The following BTD variants were observed in gnomAD, a reference collection of about 807,000 sequenced individuals.
The protein encoded by BTD is biotinidase, also known as biocytinase.
Under a neutral mutation model 17.7 loss-of-function variants are expected in BTD, and 13 were observed. The observed-to-expected ratio is 0.74, with a 90% confidence interval of 0.48 to 1.17. The LOEUF (loss-of-function observed/expected upper bound fraction) is 1.17, where lower values mean the gene tolerates loss of function less well. Among genes scored for constraint, BTD ranks in the 50% most tolerant of loss-of-function variants. The pLI, the probability that BTD is intolerant of heterozygous loss-of-function variation, is 0.00. For synonymous variants in BTD, 240 were observed against 245.2 expected (o/e 0.98, Z 0.20); for missense variants, 674 against 650.4 (o/e 1.04, Z -0.39).
At chr3:15,714,636 T>C (rs892107037), downstream of BTD, 1 of 1,597,640 alleles carries the variant, frequency 6.3e-7, no homozygotes, top group South Asian at 1.1e-5. Flanking sequence ...TCATGTGTAG[T>C]GGGGTTTTCC....
chr3:15,614,804 C>T (rs2064747248), intron 1 of BTD, among the ~76,000 whole-genome samples: 1 of 151,904 alleles, frequency 6.6e-6, no homozygotes, highest in South Asian at 2.1e-4. Flanking sequence ...GCCATGTTGC[C>T]CATGCTGGCC....
intron 3 of BTD, chr3:15,690,185 C>G (rs778362864): frequency 1.2e-6 from 2 of 1,606,356 alleles, no homozygotes; most frequent in Non-Finnish European, 1.7e-6. Flanking sequence ...AAGACTGTAC[C>G]AACACTTCCA....
In BTD at chr3:15,624,921, C is replaced by T. The variant is rs183882714; in HGVS notation, c.-16-10503C>T. Reference sequence around the variant, plus strand: ...CCAATTTTTGTATTTTTAGTAAAGACAGGGTTTTGCCATGTTGGCCAGGCT... The same window carrying T: ...CCAATTTTTGTATTTTTAGTAAAGATAGGGTTTTGCCATGTTGGCCAGGCT... On this transcript the variant is annotated intron_variant, in intron 1 of 3. Coordinates refer to ENST00000643237, the MANE Select transcript of BTD (RefSeq NM_001370658.1). Among the ~76,000 whole-genome samples, 4 of 152,184 alleles carry T rather than the reference C, an allele frequency of 2.6e-5. No individual in the cohort carries two copies. In the East Asian group the frequency reaches 7.7e-4, roughly 29 times the overall value.
At chr3:15,676,100 C>T in intron 3 of BTD, 1 of 788,716 alleles carries the variant, frequency 1.3e-6, no homozygotes, top group South Asian at 2.0e-5. Flanking sequence ...CCAAGAGGTA[C>T]AAACTCGAGA....
intron 3 of BTD, among the ~76,000 whole-genome samples, chr3:15,659,353 T>G (rs914472860): frequency 6.6e-6 from 1 of 152,118 alleles, no homozygotes; most frequent in Non-Finnish European, 1.5e-5. Context: ...GCACTCTAGG[T>G]CAGTGGCTCA....
chr3:15,620,512 C>T (rs986710049), intron 1 of BTD, among the ~76,000 whole-genome samples: 8 of 152,096 alleles, frequency 5.3e-5, no homozygotes, highest in East Asian at 1.9e-4. Flanking sequence ...CCATAAAAAT[C>T]GCTATTATTC....
chr3:15,654,761 T>C (rs2065854680), downstream of BTD, among the ~76,000 whole-genome samples: 2 of 151,466 alleles, frequency 1.3e-5, no homozygotes. Context: ...TTAGATGGAA[T>C]TTTGCACTTG....
chr3:15,681,472 C>T (rs970176865), intron 3 of BTD, among the ~76,000 whole-genome samples: 13 of 152,090 alleles, frequency 8.5e-5, no homozygotes, highest in Admixed American at 3.3e-4. Flanking sequence ...AATTTAATAC[C>T]CTAATTACTA....
Position 15,635,132 on chromosome 3 carries a change from G to A in BTD, c.-16-292G>A, listed in dbSNP as rs1195121793. Reference sequence around the variant, plus strand: ...CACAGCTAGAAAAGTGGGTAGTGACGCACTACAGTCTTGCTGAACACTGGG... The same window carrying A: ...CACAGCTAGAAAAGTGGGTAGTGACACACTACAGTCTTGCTGAACACTGGG... On this transcript the variant is annotated intron_variant, in intron 1 of 3. Coordinates refer to ENST00000643237, the MANE Select transcript of BTD (RefSeq NM_001370658.1). This position sits in a 1 kb window ranked among gnomAD's most constrained non-coding sequence, Gnocchi z 4.1. 2.0e-5 allele frequency among the ~76,000 whole-genome samples: 3 copies of A among 152,202 alleles called. No homozygotes were observed. The highest frequency in any genetic ancestry group is 6.5e-5 in the Admixed American group (1 of 15,282).
rs191800621 is a variant in BTD at position 15,695,146 on chromosome 3, T to A, written c.400-14914T>A. The A allele has an allele frequency of 1.6e-5, 23 of 1,482,548 alleles. No homozygotes were observed. The African/African-American group carries it at 2.3e-4, about 15-fold the overall frequency. The allele number at this position is 1,482,548 out of a possible 1,614,324, so 91.8% of individuals were successfully genotyped here. ...ATAAACATAACTGGTAGGAGGGAAC[T>A]GACCAATACTAATTGGTGGGAGGGA... is the stretch of plus-strand genomic sequence containing the variant. On this transcript the variant is annotated intron_variant, in intron 3 of 3. Coordinates refer to the BTD transcript ENST00000672141.
At position 15,684,489 on chromosome 3, in the gene BTD, A is replaced by G. The variant is rs966630613; in HGVS notation, c.400-25571A>G. The G allele has an allele frequency of 2.5e-4, 38 of 152,326 alleles. 5 individuals carry two copies. Among genetic ancestry groups the G allele is most frequent in the Admixed American group, 9.8e-4 (15 of 15,298 alleles). 9.4% of individuals were successfully genotyped at this position (152,326 alleles called of 1,614,324 possible). A position where few individuals can be genotyped will look rare whatever the true frequency, so the allele number is the denominator to read the frequency against. On this transcript the variant is annotated intron_variant, in intron 3 of 3. Coordinates refer to the BTD transcript ENST00000672141. ...GGTAATATAAGAATGTTATCTTGCAATGTGCTCAGAAAACATACATAGATT... is the reference window on the plus strand; with the variant it reads ...GGTAATATAAGAATGTTATCTTGCAGTGTGCTCAGAAAACATACATAGATT...
intron 3 of BTD, chr3:15,676,849 A>G (rs991318554): frequency 4.4e-6 from 3 of 676,168 alleles, no homozygotes; most frequent in Non-Finnish European, 7.2e-6. Context: ...GACAGTTGTA[A>G]AACTATTAAA....
chr3:15,617,598 G>A (rs1300675257), intron 1 of BTD, among the ~76,000 whole-genome samples: 4 of 152,186 alleles, frequency 2.6e-5, no homozygotes, highest in Admixed American at 2.0e-4. Context: ...GTGTGCAGTG[G>A]TACACACTTG....
chr3:15,680,502 C>T (rs1028555861), intron 3 of BTD, among the ~76,000 whole-genome samples: 4 of 152,098 alleles, frequency 2.6e-5, no homozygotes, highest in Non-Finnish European at 4.4e-5. Flanking sequence ...CCACCATGCC[C>T]GGCTAAAATC....
At position 15,647,965 on chromosome 3, in the gene BTD, A is replaced by T. The variant is rs909445160; in HGVS notation, c.*2477A>T. ...CCCACCATGTCTGCTCTCAAGACACAGGCCTGTCCAGAGCCCCTGCTGAGG... is the reference window on the plus strand; with the variant it reads ...CCCACCATGTCTGCTCTCAAGACACTGGCCTGTCCAGAGCCCCTGCTGAGG... On this transcript the variant is annotated 3_prime_UTR_variant, in exon 4 of 4. Coordinates refer to ENST00000643237, the MANE Select transcript of BTD (RefSeq NM_001370658.1). Among the ~76,000 whole-genome samples, 13 of 152,320 alleles carry T rather than the reference A, an allele frequency of 8.5e-5. No homozygotes were observed. Among genetic ancestry groups the T allele is most frequent in the African/African-American group, 3.1e-4 (13 of 41,580 alleles).
At chr3:15,657,309 AT>A (rs2065881607), downstream of BTD, among the ~76,000 whole-genome samples, 1 of 152,236 alleles carries the variant, frequency 6.6e-6, no homozygotes, top group Non-Finnish European at 1.5e-5. Context: ...ATTTGTGGCT[AT>A]TTAAAGTCTA....
intron 3 of BTD, chr3:15,708,041 G>A: frequency 1.2e-6 from 2 of 1,608,200 alleles, no homozygotes; most frequent in Non-Finnish European, 1.7e-6. Context: ...ATTGCAGTTG[G>A]CAGCAGCGTA....
intron 3 of BTD, 174 bp downstream of exon 3, chr3:15,642,231 G>C (rs1455039535): frequency 1.0e-5 from 15 of 1,467,126 alleles, no homozygotes; most frequent in Non-Finnish European, 1.3e-5. Context: ...AAGAATGTCT[G>C]ACGTTACAAG....
At chr3:15,685,189 C>T in intron 3 of BTD, 1 of 1,585,580 alleles carries the variant, frequency 6.3e-7, no homozygotes, top group South Asian at 1.1e-5. Context: ...TCTCTGTTCA[C>T]TACACAATGA....
Sources: gnomAD v4.1 joint callset for allele counts (sites outside exome capture counted in the v4.1 genomes callset) on GRCh38, gnomAD v4.1.1 for gene constraint, Gnocchi (gnomAD v3.1) non-coding constraint, MANE v1.5 for transcripts, NCBI Gene and HGNC (gene_info 2026-07-23, HGNC 2026-07-21) for gene names.